Variants in RSPO2 observed in about 807,000 individuals in gnomAD.
RSPO2 encodes R-spondin 2.
RSPO2 carries 14 observed loss-of-function variants against 30.9 expected under a neutral mutation model. The observed-to-expected ratio is 0.45, with a 90% CI of 0.30 to 0.71. RSPO2 has a LOEUF of 0.71. Ranked by LOEUF, RSPO2 falls within the 30% of genes least tolerant of loss-of-function variation. The pLI is 0.08. For missense variants in RSPO2, 264 were observed against 301.9 expected, an observed-to-expected ratio of 0.87 and a Z score of 0.93; for synonymous variants, 107 against 96.4, an observed-to-expected ratio of 1.11 and a Z score of -0.64.
At chr8:108,018,962 T>C (rs978307538) in intron 2 of RSPO2, among the ~76,000 whole-genome samples, 5 of 152,236 alleles carry the variant, frequency 3.3e-5, no homozygotes, top group Non-Finnish European at 7.3e-5. Flanking sequence ...GCACTATATG[T>C]ATGTGTAGCT....
chr8:108,080,414 C>T (rs1200658817), intron 2 of RSPO2, among the ~76,000 whole-genome samples: 18 of 152,034 alleles, frequency 1.2e-4, no homozygotes, highest in Admixed American at 6.6e-5. Flanking sequence ...TTTATTAAAT[C>T]GAAAGGTTGA....
At chr8:108,063,505 C>T (rs932940201) in intron 2 of RSPO2, among the ~76,000 whole-genome samples, 2 of 151,750 alleles carry the variant, frequency 1.3e-5, no homozygotes, top group African/African-American at 2.4e-5. Context: ...AGGAGAACTA[C>T]AAACCACTGC....
At chr8:107,925,369 A>G (rs2130323739) in intron 5 of RSPO2, among the ~76,000 whole-genome samples, 1 of 149,492 alleles carries the variant, frequency 6.7e-6, no homozygotes, top group Admixed American at 6.7e-5. Flanking sequence ...AGAACTGACA[A>G]AGGATTTGTG....
intron 2 of RSPO2, among the ~76,000 whole-genome samples, chr8:108,042,877 C>T (rs1017063653): frequency 1.1e-4 from 17 of 152,024 alleles, no homozygotes; most frequent in African/African-American, 3.9e-4. Flanking sequence ...CACATGATAG[C>T]TGTAAGAGCT....
intron 2 of RSPO2, among the ~76,000 whole-genome samples, chr8:108,065,599 G>A (rs887351960): frequency 4.4e-4 from 65 of 147,186 alleles, no homozygotes; most frequent in Non-Finnish European, 1.5e-4. Flanking sequence ...GTTTTTAAAT[G>A]AATAAAGGAA....
At chr8:107,972,361 G>T (rs1814030143) in intron 3 of RSPO2, among the ~76,000 whole-genome samples, 1 of 151,962 alleles carries the variant, frequency 6.6e-6, no homozygotes, top group Admixed American at 6.6e-5. Context: ...GGCCAGGCAG[G>T]TCTCGAACTC....
intron 5 of RSPO2, among the ~76,000 whole-genome samples, chr8:107,932,318 G>A (rs556429253): frequency 2.0e-5 from 3 of 152,200 alleles, no homozygotes; most frequent in Admixed American, 1.3e-4. Flanking sequence ...GGATAATCTC[G>A]GAGGAGTTTC....
At chr8:108,021,006 T>G (rs1563566993) in intron 2 of RSPO2, among the ~76,000 whole-genome samples, 2 of 152,176 alleles carry the variant, frequency 1.3e-5, no homozygotes, top group Admixed American at 6.5e-5. Flanking sequence ...AAAATAAAGT[T>G]CCTTTCAGTT....
intron 4 of RSPO2, 57 bp from the exon 5 acceptor site, chr8:107,958,325 T>G: frequency 7.2e-7 from 1 of 1,387,576 alleles, no homozygotes; most frequent in East Asian, 2.3e-5. Context: ...TTAGTATCCA[T>G]TTGCTTCACT....
intron 3 of RSPO2, among the ~76,000 whole-genome samples, chr8:107,981,813 G>T (rs1314691039): frequency 6.6e-6 from 1 of 151,902 alleles, no homozygotes; most frequent in African/African-American, 2.4e-5. Context: ...AACATGGCAA[G>T]ACTTCATCTC....
intron 2 of RSPO2, among the ~76,000 whole-genome samples, chr8:108,069,936 C>G (rs1812787817): frequency 6.6e-6 from 1 of 152,184 alleles, no homozygotes; most frequent in Non-Finnish European, 1.5e-5. Flanking sequence ...GTCTTCCAGT[C>G]TAGCAACCCA....
intron 2 of RSPO2, among the ~76,000 whole-genome samples, chr8:108,020,251 G>C (rs1391081682): frequency 6.6e-6 from 1 of 151,966 alleles, no homozygotes; most frequent in Non-Finnish European, 1.5e-5. Context: ...CTTTCACTCT[G>C]TTCTCTCTTC....
chr8:107,904,430 A>T (rs1025899329), intron 5 of RSPO2, among the ~76,000 whole-genome samples: 6 of 152,016 alleles, frequency 3.9e-5, no homozygotes, highest in African/African-American at 1.4e-4. Context: ...CTAGTGACAA[A>T]TTTTGCATAT....
intron 2 of RSPO2, among the ~76,000 whole-genome samples, chr8:108,008,794 A>AAAAT (rs1413028757): frequency 2.0e-5 from 3 of 150,256 alleles, no homozygotes; most frequent in South Asian, 2.1e-4. Flanking sequence ...CTGCAAAAAA[A>AAAAT]AAAAAATAAA....
intron 2 of RSPO2, among the ~76,000 whole-genome samples, chr8:108,035,462 G>GTTTGTT (rs570424877): frequency 1.6e-4 from 25 of 151,774 alleles, no homozygotes; most frequent in Non-Finnish European, 2.4e-4. Flanking sequence ...TGTTTTGTTT[G>GTTTGTT]TTTGTTTTTG....
At chr8:107,940,957 G>A (rs1393423069) in intron 5 of RSPO2, among the ~76,000 whole-genome samples, 1 of 151,956 alleles carries the variant, frequency 6.6e-6, no homozygotes, top group African/African-American at 2.4e-5. Context: ...TGAGTTCCCT[G>A]CTATCAGCAT....
At chr8:108,066,386 G>A (rs1256359832) in intron 2 of RSPO2, among the ~76,000 whole-genome samples, 1 of 152,144 alleles carries the variant, frequency 6.6e-6, no homozygotes, top group African/African-American at 2.4e-5. Flanking sequence ...ATCAGAAGAT[G>A]TCTAATTGAA....
intron 5 of RSPO2, among the ~76,000 whole-genome samples, chr8:107,947,249 T>A (rs554316): frequency 0.54 from 81,428 of 152,042 alleles, 23,915 homozygotes; most frequent in East Asian, 0.7. Context: ...ATTTGTGTAC[T>A]TTAAATTTTC....
chr8:107,902,849 A>G (rs1260948664), intron 5 of RSPO2, among the ~76,000 whole-genome samples: 3 of 152,100 alleles, frequency 2.0e-5, no homozygotes, highest in Non-Finnish European at 2.9e-5. Context: ...TCATGCCCCC[A>G]TATTAAATTA....
Sources: gnomAD v4.1 joint callset for allele counts (sites outside exome capture counted in the v4.1 genomes callset) on GRCh38, gnomAD v4.1.1 for gene constraint, MANE v1.5 for transcripts, NCBI Gene and HGNC (gene_info 2026-07-23, HGNC 2026-07-21) for gene names.